TMEM132D: variants seen among roughly 807,000 people sequenced by gnomAD.
TMEM132D encodes the protein mature OL transmembrane protein.
Under a neutral mutation model 62.3 loss-of-function variants are expected in TMEM132D, and 21 were observed. That is an observed-to-expected ratio of 0.34 (90% CI 0.24 to 0.49). The LOEUF is 0.49. Ranked by LOEUF, TMEM132D falls within the 20% of genes least tolerant of loss-of-function variation. The probability of loss-of-function intolerance (pLI) is 0.99; values close to 1 mark genes in which losing one functional copy is unlikely to be tolerated. For missense variants in TMEM132D, 1,346 were observed against 1,402.8 expected, an observed-to-expected ratio of 0.96 and a Z score of 0.65; for synonymous variants, 621 against 575.6, an observed-to-expected ratio of 1.08 and a Z score of -1.13.
intron 2 of TMEM132D, among the ~76,000 whole-genome samples, chr12:129,582,277 T>C (rs551056394): frequency 4.1e-4 from 62 of 152,296 alleles, no homozygotes; most frequent in African/African-American, 1.4e-3. Flanking sequence ...CTCAACGTTG[T>C]TGGGTATTTG....
intron 3 of TMEM132D, among the ~76,000 whole-genome samples, chr12:129,407,296 C>T (rs1245759807): frequency 1.3e-5 from 2 of 152,116 alleles, no homozygotes; most frequent in African/African-American, 2.4e-5. Context: ...GAAGTATAAA[C>T]CTTTAAAATA....
intron 5 of TMEM132D, among the ~76,000 whole-genome samples, chr12:129,165,276 T>A (rs7133674): frequency 0.6 from 91,913 of 152,016 alleles, 28,412 homozygotes; most frequent in Non-Finnish European, 0.67. Context: ...TACATCTGGA[T>A]GACTGTTTGG....
At chr12:129,701,992 C>T (rs759115162) in intron 1 of TMEM132D, among the ~76,000 whole-genome samples, 1 of 152,210 alleles carries the variant, frequency 6.6e-6, no homozygotes, top group Admixed American at 6.5e-5. Context: ...GTCACTGACC[C>T]TCGTTGTTTC....
intron 5 of TMEM132D, among the ~76,000 whole-genome samples, chr12:129,188,759 GA>G (rs1565991782): frequency 6.9e-5 from 4 of 58,198 alleles, no homozygotes; most frequent in East Asian, 1.1e-3. Flanking sequence ...GGGAGGGAGA[GA>G]GGGAGAGAGA....
chr12:129,736,813 C>CTTT (rs34164181), intron 1 of TMEM132D, among the ~76,000 whole-genome samples: 8 of 126,894 alleles, frequency 6.3e-5, no homozygotes, highest in South Asian at 2.6e-4. Flanking sequence ...ATGATGGTGC[C>CTTT]TTTTTTTTTT....
rs184530178 is a variant in TMEM132D, at chr12:129,081,841, A to T, written c.1841T>A (p.Met614Lys). The change falls in exon 7 of 9, where the codon ATG becomes AAG. Residue 614 changes from methionine to lysine, a missense_variant. Physicochemically the swap from Met to Lys is moderately conservative, Grantham distance 95. Transcript: ENST00000422113. ...GGCGATCCTGGGCTCCTCCACCTGC[A>T]TGAAGTCATTTATCAGCTCCGTGAT... ...VDITELINDFMQVEEPRIAKL... is the reference protein window; with the variant it reads ...VDITELINDFKQVEEPRIAKL... 1 of 1,613,376 alleles carries T rather than the reference A, an allele frequency of 6.2e-7. No individual in the cohort carries two copies. The highest frequency in any genetic ancestry group is 8.5e-7 in the Non-Finnish European group (1 of 1,179,934).
At position 129,298,314 on chromosome 12, in the gene TMEM132D, T is replaced by C. The variant is rs534119443; in HGVS notation, c.1299+39320A>G. ...AAAGTCACACTTCTGCTTTTTAATG[T>C]TTTTTATTTTTTAAAATGCATCAAC... On this transcript the variant is annotated intron_variant, in intron 4 of 8. Transcript: ENST00000422113. 9.2e-5 allele frequency among the ~76,000 whole-genome samples: 14 copies of C among 152,318 alleles called. No individual in the cohort carries two copies. In the South Asian group the frequency reaches 2.7e-3, roughly 29 times the overall value.
At chr12:129,487,946 A>AG (rs1306640468) in intron 3 of TMEM132D, among the ~76,000 whole-genome samples, 1 of 149,742 alleles carries the variant, frequency 6.7e-6, no homozygotes, top group African/African-American at 2.4e-5. Context: ...CAAAAAAAAA[A>AG]AAAAAAAAAA....
intron 5 of TMEM132D, among the ~76,000 whole-genome samples, chr12:129,098,971 C>A (rs1478769906): frequency 6.6e-6 from 1 of 152,144 alleles, no homozygotes; most frequent in East Asian, 1.9e-4. Context: ...ATCTGGACCC[C>A]ACAGGAAGAA....
intron 4 of TMEM132D, among the ~76,000 whole-genome samples, chr12:129,226,433 A>G (rs762089798): frequency 1.3e-4 from 20 of 152,206 alleles, no homozygotes; most frequent in Non-Finnish European, 2.6e-4. Flanking sequence ...GAAGGTTCTC[A>G]TACCATTTGC....
At chr12:129,219,020 C>T (rs1275588466) in intron 4 of TMEM132D, among the ~76,000 whole-genome samples, 1 of 152,174 alleles carries the variant, frequency 6.6e-6, no homozygotes, top group Non-Finnish European at 1.5e-5. Flanking sequence ...AAACTCCATG[C>T]TTGGGAATGG....
At chr12:129,504,264 C>T (rs1023299824) in intron 3 of TMEM132D, among the ~76,000 whole-genome samples, 2 of 152,142 alleles carry the variant, frequency 1.3e-5, no homozygotes, top group Admixed American at 6.6e-5. Context: ...GAAAGTCTAT[C>T]GATTTAGGGA....
At chr12:129,748,710 C>T (rs971327457) in intron 1 of TMEM132D, among the ~76,000 whole-genome samples, 5 of 152,182 alleles carry the variant, frequency 3.3e-5, no homozygotes, top group South Asian at 2.1e-4. Flanking sequence ...AAAACCCACA[C>T]GTGCTAAGCC....
At chr12:129,228,452 T>G (rs1000609080) in intron 4 of TMEM132D, among the ~76,000 whole-genome samples, 6 of 152,152 alleles carry the variant, frequency 3.9e-5, no homozygotes, top group African/African-American at 1.4e-4. Context: ...ATTACCACAG[T>G]CAATTTTTGA....
intron 1 of TMEM132D, among the ~76,000 whole-genome samples, chr12:129,829,397 A>G (rs1486263043): frequency 6.6e-6 from 1 of 152,086 alleles, no homozygotes; most frequent in Non-Finnish European, 1.5e-5. Context: ...ATCCAATTCC[A>G]CTACTGAGTA....
chr12:129,816,752 T>C (rs773014423), intron 1 of TMEM132D, among the ~76,000 whole-genome samples: 29 of 152,340 alleles, frequency 1.9e-4, no homozygotes, highest in Non-Finnish European at 3.4e-4. Context: ...CTGACACCAT[T>C]TATTCCATAG....
At chr12:129,099,224 GAGGGGTA>G (rs796079444) in intron 5 of TMEM132D, among the ~76,000 whole-genome samples, 12 of 152,308 alleles carry the variant, frequency 7.9e-5, no homozygotes, top group African/African-American at 2.6e-4. Context: ...CCCCTAAGAA[GAGGGGTA>G]TATAACTGTC....
At chr12:129,335,617 T>G (rs1384029595) in intron 4 of TMEM132D, among the ~76,000 whole-genome samples, 1 of 152,124 alleles carries the variant, frequency 6.6e-6, no homozygotes, top group Non-Finnish European at 1.5e-5. Flanking sequence ...TAATGACCAA[T>G]GAAAAATGGA....
At chr12:129,592,202 T>C (rs1878207058) in intron 2 of TMEM132D, among the ~76,000 whole-genome samples, 1 of 143,660 alleles carries the variant, frequency 7.0e-6, no homozygotes, top group Non-Finnish European at 1.5e-5. Context: ...AACTACTGAA[T>C]ATAATGTCCA....
Sources: allele counts gnomAD v4.1 joint callset (sites outside exome capture counted in the v4.1 genomes callset), GRCh38; gene constraint gnomAD v4.1.1; transcripts MANE v1.5; gene names NCBI Gene and HGNC (gene_info 2026-07-23, HGNC 2026-07-21).